The following ABI3BP variants were observed in gnomAD, a reference collection of about 807,000 sequenced individuals.
ABI3BP encodes the protein ABI family member 3 binding protein, also known as target of Nesh-SH3.
A neutral mutation model predicts 268.6 loss-of-function variants in ABI3BP; 216 were observed. The observed-to-expected ratio is 0.80, with a 90% CI of 0.72 to 0.90. ABI3BP has a LOEUF of 0.90. ABI3BP is among the 40% of genes least tolerant of loss of function. The pLI is 0.00. For missense variants in ABI3BP, 2,090 were observed against 2,182.4 expected (o/e 0.96, Z 0.84); for synonymous variants, 730 against 730.0 (o/e 1.00, Z 0.00).
At chr3:100,905,535 T>A (rs2052987714) in intron 2 of ABI3BP, among the ~76,000 whole-genome samples, 1 of 45,068 alleles carries the variant, frequency 2.2e-5, no homozygotes, top group African/African-American at 5.9e-5. Flanking sequence ...CACTCTTAGT[T>A]CTTTTTTTTT....
At chr3:100,969,714 C>A (rs2082751264) in intron 1 of ABI3BP, among the ~76,000 whole-genome samples, 1 of 152,108 alleles carries the variant, frequency 6.6e-6, no homozygotes, top group Admixed American at 6.6e-5. Context: ...GGAAGAATGA[C>A]TTTTGCTGGA....
At chr3:100,814,229 G>A (rs775136082) in intron 44 of ABI3BP, among the ~76,000 whole-genome samples, 5 of 152,024 alleles carry the variant, frequency 3.3e-5, no homozygotes, top group Non-Finnish European at 7.4e-5. Flanking sequence ...AAAAGCAGGA[G>A]CCTATTTGGA....
intron 59 of ABI3BP, among the ~76,000 whole-genome samples, chr3:100,777,627 T>G (rs988760757): frequency 6.6e-6 from 1 of 152,154 alleles, no homozygotes; most frequent in African/African-American, 2.4e-5. Context: ...GTGCCAAGAC[T>G]ACCTTGAGGA....
chr3:100,759,424 G>A (rs1559848035), intron 63 of ABI3BP, among the ~76,000 whole-genome samples: 1 of 152,198 alleles, frequency 6.6e-6, no homozygotes, highest in East Asian at 1.9e-4. Context: ...ACACAGATAA[G>A]GAGCAAGAGG....
chr3:100,909,385 C>CA lies in ABI3BP; in HGVS notation c.260-6700dup, dbSNP rs200318836. Among the ~76,000 whole-genome samples, 266 of 139,840 alleles carry CA rather than the reference C, an allele frequency of 1.9e-3. 1 individual carries two copies. The highest frequency in any genetic ancestry group is 3.8e-3 in the African/African-American group (144 of 38,120). The allele number at this position is 139,840 out of a possible 152,430, so 91.7% of individuals were successfully genotyped here. ...ATGACTAAAACACCAAAAGCAATGG[C>CA]AAAAAAAAAAAGCCAAAATAGTCAA... is the stretch of plus-strand genomic sequence containing the variant. On this transcript the variant is annotated intron_variant, in intron 2 of 67. Coordinates refer to ENST00000471714, the MANE Select transcript of ABI3BP (RefSeq NM_001375547.2).
In ABI3BP at chr3:100,862,864, G is replaced by T; in HGVS notation, c.1184C>A (p.Pro395His). 1 of 1,535,720 alleles carries T rather than the reference G, an allele frequency of 6.5e-7. No homozygotes were observed. Among genetic ancestry groups the T allele is most frequent in the African/African-American group, 1.4e-5 (1 of 73,126 alleles). ...CAATGTGCCCCTAGGTTTCTCAAAA[G>T]GGAAGGGTGTTTTTGCCTCAGGAAA... ...PEFPEAKTPFPFEKPRGTLAS... is the reference protein window; with the variant it reads ...PEFPEAKTPFHFEKPRGTLAS... The change falls in exon 13 of 68, where the codon CCT becomes CAT. Residue 395 changes from proline (P) to histidine (H), a missense_variant. Physicochemically the swap from Pro to His is moderately conservative, Grantham distance 77. Coordinates refer to ENST00000471714, the MANE Select transcript of ABI3BP (RefSeq NM_001375547.2).
intron 1 of ABI3BP, among the ~76,000 whole-genome samples, chr3:100,981,810 A>G (rs890896102): frequency 6.6e-6 from 1 of 151,952 alleles, no homozygotes; most frequent in Non-Finnish European, 1.5e-5. Flanking sequence ...TGGATGCCAC[A>G]CCACAGGCTC....
At chr3:100,751,822 T>C in intron 66 of ABI3BP, 148 bp from the exon 67 acceptor site, 1 of 748,018 alleles carries the variant, frequency 1.3e-6, no homozygotes, top group Non-Finnish European at 2.0e-6. Context: ...CTACCTGTAT[T>C]CTTCCTCCCC....
At chr3:100,959,041 A>G (rs1016588142) in intron 1 of ABI3BP, among the ~76,000 whole-genome samples, 4 of 152,168 alleles carry the variant, frequency 2.6e-5, no homozygotes, top group Non-Finnish European at 5.9e-5. Flanking sequence ...GCTCCAGGGC[A>G]TAGGTGAAGA....
intron 1 of ABI3BP, among the ~76,000 whole-genome samples, chr3:100,935,168 A>G (rs1197140256): frequency 6.6e-6 from 1 of 152,146 alleles, no homozygotes; most frequent in African/African-American, 2.4e-5. Context: ...GGTGTAAGGA[A>G]CGGATCCAGT....
At chr3:100,975,147 A>C (rs748393471) in intron 1 of ABI3BP, among the ~76,000 whole-genome samples, 7 of 152,154 alleles carry the variant, frequency 4.6e-5, no homozygotes, top group Non-Finnish European at 1.0e-4. Flanking sequence ...GATTTTTTTC[A>C]AGAGAATTTT....
At chr3:100,974,881 G>C (rs1467019673) in intron 1 of ABI3BP, among the ~76,000 whole-genome samples, 5 of 152,112 alleles carry the variant, frequency 3.3e-5, no homozygotes, top group African/African-American at 1.2e-4. Context: ...ATGTGACATG[G>C]AATAACAGGT....
At position 100,926,291 on chromosome 3, in the gene ABI3BP, A is replaced by G. The variant is rs1201030519; in HGVS notation, c.259+11T>C. ...TCCTTTCCTTCCCAGCCCGATACCCAAACACCTTACCAACTATAGCTTCTG... is the reference window on the plus strand; with the variant it reads ...TCCTTTCCTTCCCAGCCCGATACCCGAACACCTTACCAACTATAGCTTCTG... On this transcript the variant is annotated intron_variant, in intron 2 of 67. Coordinates refer to ENST00000471714, the MANE Select transcript of ABI3BP (RefSeq NM_001375547.2). 7 of 1,612,894 alleles carry G rather than the reference A, an allele frequency of 4.3e-6. No individual in the cohort carries two copies. In the South Asian group the frequency reaches 6.6e-5, roughly 15 times the overall value.
intron 67 of ABI3BP, 33 bp from the exon 68 acceptor site, chr3:100,750,643 G>T (rs1352712257): frequency 1.3e-6 from 2 of 1,518,986 alleles, no homozygotes; most frequent in South Asian, 2.3e-5. Flanking sequence ...TTTAATAGCT[G>T]CTGTATTATA....
intron 1 of ABI3BP, among the ~76,000 whole-genome samples, chr3:100,984,980 A>G (rs1316496503): frequency 6.6e-6 from 1 of 152,062 alleles, no homozygotes; most frequent in Non-Finnish European, 1.5e-5. Flanking sequence ...TGTTTTATTA[A>G]CACTAAATAG....
intron 57 of ABI3BP, among the ~76,000 whole-genome samples, chr3:100,782,044 C>T (rs2096881081): frequency 6.6e-6 from 1 of 152,226 alleles, no homozygotes; most frequent in Non-Finnish European, 1.5e-5. Context: ...TGCTATTCCT[C>T]ATAGTAACTC....
At chr3:100,963,621 C>T (rs373153283) in intron 1 of ABI3BP, among the ~76,000 whole-genome samples, 94 of 152,286 alleles carry the variant, frequency 6.2e-4, no homozygotes, top group African/African-American at 2.2e-3. Context: ...CTAATAATTT[C>T]GATGTAGTTG....
At chr3:100,904,474 T>C (rs2052236321) in intron 2 of ABI3BP, among the ~76,000 whole-genome samples, 1 of 152,154 alleles carries the variant, frequency 6.6e-6, no homozygotes, top group Non-Finnish European at 1.5e-5. Flanking sequence ...TATCATATAA[T>C]TCCAAAGGAA....
intron 57 of ABI3BP, among the ~76,000 whole-genome samples, chr3:100,787,125 T>C (rs1577668378): frequency 6.6e-6 from 1 of 152,160 alleles, no homozygotes; most frequent in East Asian, 1.9e-4. Context: ...AAGTTGGGTG[T>C]TTGAATATTT....
Sources: allele counts gnomAD v4.1 joint callset (sites outside exome capture counted in the v4.1 genomes callset), GRCh38; gene constraint gnomAD v4.1.1; transcripts MANE v1.5; gene names NCBI Gene and HGNC (gene_info 2026-07-23, HGNC 2026-07-21).